Variants in ZIC3 observed in about 807,000 individuals in gnomAD.
The protein encoded by ZIC3 is zinc finger protein ZIC 3.
ZIC3 carries 6 observed loss-of-function variants against 18.3 expected under a neutral mutation model. The ratio of observed to expected loss-of-function variants is 0.33; its 90% CI spans 0.18 to 0.65. The LOEUF is 0.65. Ranked by LOEUF, ZIC3 falls within the 30% of genes least tolerant of loss-of-function variation. The pLI, the probability that ZIC3 is intolerant of heterozygous loss-of-function variation, is 0.75. For synonymous variants in ZIC3, 175 were observed against 177.0 expected (o/e 0.99, Z 0.09); for missense variants, 260 against 410.0 (o/e 0.63, Z 3.16).
Position 137,570,282 on chromosome X carries a change from C to A in ZIC3, c.*212C>A, listed in dbSNP as rs1198148316. The A allele has an allele frequency of 4.6e-5, 21 of 454,495 alleles. No homozygotes were observed. Among genetic ancestry groups the A allele is most frequent in the Non-Finnish European group, 3.7e-6 (1 of 267,986 alleles). The allele number at this position is 454,495 out of a possible 1,213,427, so 37.5% of individuals were successfully genotyped here. ...AGAAAATATGTTTTGGCATTTGAAG[C>A]ATTTTTTACAAAATCTTTACACTAC... is the stretch of plus-strand genomic sequence containing the variant. On this transcript the variant is annotated 3_prime_UTR_variant, in exon 3 of 3. Transcript: ENST00000287538.
chrX:137,568,075 G>A (rs1034908303), intron 1 of ZIC3, among the ~76,000 whole-genome samples: 1 of 113,283 alleles, frequency 8.8e-6, no homozygotes, highest in Non-Finnish European at 1.9e-5. Flanking sequence ...TGTGTTGAGA[G>A]CATATTGCTT....
chrX:137,569,859 T>C (rs936698709), intron 2 of ZIC3, 32 bp from the exon 3 acceptor site: 2 of 1,187,212 alleles, frequency 1.7e-6, no homozygotes, highest in Non-Finnish European at 2.3e-6. Context: ...GTTGGAATTA[T>C]ATTCATTATA....
At chrX:137,568,331 G>GATCTATCT (rs1416040219) in intron 1 of ZIC3, among the ~76,000 whole-genome samples, 1 of 59,725 alleles carries the variant, frequency 1.7e-5, no homozygotes, top group African/African-American at 6.2e-5. Flanking sequence ...GAGCCCCCTG[G>GATCTATCT]ATCGATCGAT....
intron 1 of ZIC3, among the ~76,000 whole-genome samples, chrX:137,568,380 ATC>A (rs1348795469): frequency 3.1e-4 from 34 of 108,615 alleles, no homozygotes; most frequent in African/African-American, 1.2e-3. Flanking sequence ...CTATCTATCT[ATC>A]TATATTTTTT....
Position 137,567,801 on chromosome X carries a change from A to C in ZIC3, c.1060+50A>C, listed in dbSNP as rs747845919. The C allele has an allele frequency of 7.4e-6, 9 of 1,210,336 alleles. No homozygotes were observed. The African/African-American group carries it at 1.4e-4, about 19-fold the overall frequency. The stretch of plus-strand genomic sequence containing the variant: ...TGGGTTCCACTGGCGATACCCCGTC[A>C]CGCAGCGGACTTAGAGCGCGAGGGA... On this transcript the variant is annotated intron_variant, in intron 1 of 2. Coordinates refer to ENST00000287538, the MANE Select transcript of ZIC3 (RefSeq NM_003413.4).
downstream of ZIC3, among the ~76,000 whole-genome samples, chrX:137,573,245 C>T (rs1158144358): frequency 9.1e-6 from 1 of 110,456 alleles, no homozygotes; most frequent in East Asian, 2.8e-4. Context: ...CCTCTTGCAC[C>T]TTGTAAGATC....
Position 137,566,533 on chromosome X carries a change from A to T in ZIC3, c.-159A>T, listed in dbSNP as rs1202901607. 4 of 815,022 alleles carry T rather than the reference A, an allele frequency of 4.9e-6. No individual in the cohort carries two copies. The Admixed American group carries it at 9.9e-5, about 20-fold the overall frequency. The allele number at this position is 815,022 out of a possible 1,213,427, so 67.2% of individuals were successfully genotyped here. The stretch of plus-strand genomic sequence containing the variant: ...CTATCCCTCTGCAGGAGACTCTTGC[A>T]GTGACGGAAAGTTGCAGCCCCTGGT... On this transcript the variant is annotated 5_prime_UTR_variant, in exon 1 of 3. Transcript: ENST00000287538.
chrX:137,573,159 AACC>A (rs1389094522), downstream of ZIC3, among the ~76,000 whole-genome samples: 6 of 64,310 alleles, frequency 9.3e-5, no homozygotes, highest in East Asian at 4.8e-4. Context: ...AAAAAAAAAA[AACC>A]AAACAAACCA....
chrX:137,568,683 CCCG>C, intron 1 of ZIC3: 1 of 130,550 alleles, frequency 7.7e-6, no homozygotes, highest in Non-Finnish European at 1.4e-5. Context: ...TTGGGCCGGC[CCCG>C]CCCCACCCCC....
At chrX:137,568,449 G>A (rs1388683145) in intron 1 of ZIC3, among the ~76,000 whole-genome samples, 1 of 111,052 alleles carries the variant, frequency 9.0e-6, no homozygotes, top group Non-Finnish European at 1.9e-5. Flanking sequence ...TAGCCAAACC[G>A]CTGCATTTGA....
At chrX:137,572,971 G>T (rs1170100177), downstream of ZIC3, among the ~76,000 whole-genome samples, 3 of 109,901 alleles carry the variant, frequency 2.7e-5, 1 homozygote, top group Admixed American at 1.9e-4. Context: ...GTGTAGCATG[G>T]TATTTCTCAA....
chrX:137,569,768 T>C (rs755447685), intron 2 of ZIC3, 123 bp from the exon 3 acceptor site: 3 of 676,561 alleles, frequency 4.4e-6, no homozygotes, highest in South Asian at 6.1e-5. Flanking sequence ...TTAAGCAGCA[T>C]TTTTCTTTTA....
exon 3 of ZIC3, chrX:137,577,438 C>T (rs1931526593): frequency 9.0e-6 from 3 of 333,244 alleles, no homozygotes; most frequent in Non-Finnish European, 1.6e-5. Flanking sequence ...AAAAAACTCC[C>T]CCCACTTTAG....
At position 137,568,818 on chromosome X, in the gene ZIC3, G is replaced by C. The variant is rs1931395337; in HGVS notation, c.1061-84G>C. ...GCGCTCCCTTTCCGGGAAGACCGCC[G>C]GGAGCTCAGTCTCCTGCTGCTTGCC... On this transcript the variant is annotated intron_variant, in intron 1 of 2. Coordinates refer to ENST00000287538, the MANE Select transcript of ZIC3 (RefSeq NM_003413.4). 7.3e-6 allele frequency: 8 copies of C among 1,097,010 alleles called. No homozygotes were observed. The South Asian group carries it at 7.4e-5, about 10-fold the overall frequency. The allele number at this position is 1,097,010 out of a possible 1,213,427, so 90.4% of individuals were successfully genotyped here.
rs1374945032 is a variant in ZIC3, at chrX:137,566,337, G to A, written c.-355G>A. On this transcript the variant is annotated 5_prime_UTR_variant, in exon 1 of 3. Transcript: ENST00000287538. The stretch of plus-strand genomic sequence containing the variant: ...GCACTCGGGGAGAGGAGGGGTGCCC[G>A]GGACAGGATTGGCAAACTCCGCCCT... The A allele has an allele frequency of 7.7e-6, 2 of 258,945 alleles. No homozygotes were observed. Among genetic ancestry groups the A allele is most frequent in the African/African-American group, 5.6e-5 (2 of 35,793 alleles). 21.3% of individuals were successfully genotyped at this position (258,945 alleles called of 1,213,427 possible).
downstream of ZIC3, among the ~76,000 whole-genome samples, chrX:137,574,328 A>T (rs1383532987): frequency 8.8e-6 from 1 of 113,358 alleles, no homozygotes; most frequent in Non-Finnish European, 1.9e-5. Flanking sequence ...AGGCCTGGGG[A>T]CTGGTTGTCG....
intron 2 of ZIC3, among the ~76,000 whole-genome samples, chrX:137,569,593 C>A (rs868029316): frequency 8.9e-6 from 1 of 112,345 alleles, no homozygotes; most frequent in Non-Finnish European, 1.9e-5. Context: ...TATAGGACCT[C>A]ACAGTGTACT....
chrX:137,568,795 G>C (rs1474804024), intron 1 of ZIC3, 107 bp from the exon 2 acceptor site: 5 of 917,548 alleles, frequency 5.4e-6, no homozygotes, highest in Non-Finnish European at 7.8e-6. Context: ...CCCAGTCCGC[G>C]CTCCCTTTCC....
rs189945897 is a variant in ZIC3 at position 137,570,336 on chromosome X, C to T, written c.*266C>T. On this transcript the variant is annotated 3_prime_UTR_variant, in exon 3 of 3. Transcript: ENST00000287538. ...TTCTTCCCCTTCCTCTTGCTCTCTG[C>T]ACACCCCATTCTTAAACTCCTCCAA... 2.2e-5 allele frequency: 8 copies of T among 365,387 alleles called. No individual in the cohort carries two copies. The East Asian group carries it at 2.9e-4, about 13-fold the overall frequency. The allele number at this position is 365,387 out of a possible 1,213,427, so 30.1% of individuals were successfully genotyped here.
Sources: allele counts gnomAD v4.1 joint callset (sites outside exome capture counted in the v4.1 genomes callset), GRCh38; gene constraint gnomAD v4.1.1; transcripts MANE v1.5; gene names NCBI Gene and HGNC (gene_info 2026-07-23, HGNC 2026-07-21).